The following CTXN2 variants were observed in gnomAD, a reference collection of about 807,000 sequenced individuals.
The protein encoded by CTXN2 is cortexin-2.
In CTXN2, 3 loss-of-function variants were observed where a neutral mutation model predicts 5.7. The observed-to-expected ratio is 0.53, with a 90% CI of 0.24 to 1.36. The LOEUF (loss-of-function observed/expected upper bound fraction) is 1.36, where lower values mean the gene tolerates loss of function less well. Ranked by LOEUF, CTXN2 falls within the 40% of genes most tolerant of loss-of-function variation. The probability of loss-of-function intolerance (pLI) is 0.17; values close to 1 mark genes in which losing one functional copy is unlikely to be tolerated. For synonymous variants in CTXN2, 38 were observed against 36.4 expected (o/e 1.04, Z -0.16); for missense variants, 87 against 93.0 (o/e 0.94, Z 0.26).
chr15:48,186,275 C>T (rs761372159), intron 1 of CTXN2, among the ~76,000 whole-genome samples: 4 of 152,158 alleles, frequency 2.6e-5, no homozygotes, highest in Non-Finnish European at 4.4e-5. Context: ...ACATTTAGTA[C>T]ATTTTTCTTT....
At chr15:48,198,807 AT>A (rs2040903019) in intron 1 of CTXN2, among the ~76,000 whole-genome samples, 1 of 152,180 alleles carries the variant, frequency 6.6e-6, no homozygotes, top group South Asian at 2.1e-4. Context: ...TACATTATGC[AT>A]TTTCAAAACA....
At chr15:48,186,458 T>C (rs1477810805) in intron 1 of CTXN2, among the ~76,000 whole-genome samples, 2 of 152,144 alleles carry the variant, frequency 1.3e-5, no homozygotes, top group African/African-American at 2.4e-5. Flanking sequence ...CATTTTCTAA[T>C]CAAATCTAAT....
At chr15:48,191,476 TTGC>T (rs1189386609), upstream of CTXN2, 3 of 280,978 alleles carry the variant, frequency 1.1e-5, no homozygotes, top group Non-Finnish European at 2.2e-5. Context: ...ATAGAGCCTG[TTGC>T]TGCTGGAGCT....
chr15:48,201,239 C>T lies in CTXN2; in HGVS notation c.-57-5C>T, dbSNP rs984287810. ...AAACTAAACTGAGTCCAATTTTGTA[C>T]CTAGGCAAAGAGTTGATTCCAGAAG... On this transcript the variant is annotated splice_polypyrimidine_tract_variant and splice_region_variant and intron_variant, in intron 1 of 1. Coordinates refer to ENST00000417307, the MANE Select transcript of CTXN2 (RefSeq NM_001145668.2). 2.6e-6 allele frequency: 4 copies of T among 1,529,694 alleles called. No individual in the cohort carries two copies. The African/African-American group carries it at 5.5e-5, about 21-fold the overall frequency. The allele number at this position is 1,529,694 out of a possible 1,614,324, so 94.8% of individuals were successfully genotyped here. A position where few individuals can be genotyped will look rare whatever the true frequency, so the allele number is the denominator to read the frequency against.
At chr15:48,188,187 A>C (rs1388184786), upstream of CTXN2, among the ~76,000 whole-genome samples, 1 of 150,768 alleles carries the variant, frequency 6.6e-6, no homozygotes, top group East Asian at 1.9e-4. Context: ...TAATATTATC[A>C]TTACCTAAGA....
upstream of CTXN2, chr15:48,190,103 C>A (rs1597382882): frequency 1.3e-5 from 2 of 152,310 alleles, no homozygotes. Flanking sequence ...GCCACCACTC[C>A]TGGCTGCATC....
chr15:48,201,426 A>C lies in CTXN2; in HGVS notation c.126A>C (p.Gly42=), dbSNP rs1394110776. ...TTGGGATTTTGTGTATCTTCTTGGGACTTCTTATTATCCGATGCTTCAAAA... is the reference window on the plus strand; with the variant it reads ...TTGGGATTTTGTGTATCTTCTTGGGCCTTCTTATTATCCGATGCTTCAAAA... The part of the protein sequence containing the change: ...AFVGILCIFL[G]LLIIRCFKIL... The change falls in exon 2 of 2, where the codon GGA becomes GGC. Residue 42 remains glycine, a synonymous_variant. Transcript: ENST00000417307. The C allele has an allele frequency of 6.4e-7, 1 of 1,551,250 alleles. No individual in the cohort carries two copies. The highest frequency in any genetic ancestry group is 1.4e-5 in the African/African-American group (1 of 73,010).
intron 1 of CTXN2, among the ~76,000 whole-genome samples, chr15:48,184,493 C>A (rs2040729444): frequency 1.3e-5 from 2 of 152,108 alleles, no homozygotes; most frequent in African/African-American, 4.8e-5. Flanking sequence ...TAATAAAGAA[C>A]TTATATCCAA....
In CTXN2 at chr15:48,201,677, C is replaced by A. The variant is rs541026551; in HGVS notation, c.*131C>A. ...TTCAATAAACATCTGTGACTAATTT[C>A]TTCACCATGCTGTGTAAATGATAAA... On this transcript the variant is annotated 3_prime_UTR_variant, in exon 2 of 2. Transcript: ENST00000417307. The A allele has an allele frequency of 6.9e-5, 58 of 839,310 alleles. No individual in the cohort carries two copies. The South Asian group carries it at 8.8e-4, about 13-fold the overall frequency. The allele number at this position is 839,310 out of a possible 1,614,324, so 52.0% of individuals were successfully genotyped here.
rs939197654 is a variant in CTXN2, at chr15:48,202,525, G to C, written c.*979G>C. 1.2e-5 allele frequency: 2 copies of C among 167,040 alleles called. No individual in the cohort carries two copies. The highest frequency in any genetic ancestry group is 4.8e-5 in the African/African-American group (2 of 41,454). The allele number at this position is 167,040 out of a possible 1,614,324, so 10.3% of individuals were successfully genotyped here. ...CTAATGTTAGCTTAGCCAAGAACTA[G>C]CTTTATGACCTAGAAAGTTACCTAA... On this transcript the variant is annotated 3_prime_UTR_variant, in exon 2 of 2. Coordinates refer to ENST00000417307, the MANE Select transcript of CTXN2 (RefSeq NM_001145668.2).
chr15:48,188,648 G>A (rs2040782903), upstream of CTXN2, among the ~76,000 whole-genome samples: 1 of 152,108 alleles, frequency 6.6e-6, no homozygotes, highest in African/African-American at 2.4e-5. Context: ...TCTGCTTGAG[G>A]AACTTCTAAA....
upstream of CTXN2, chr15:48,189,135 A>C (rs1324527369): frequency 6.6e-6 from 1 of 152,196 alleles, no homozygotes; most frequent in Non-Finnish European, 1.5e-5. Context: ...GGTCAGGGTC[A>C]TGCACCAACT....
intron 1 of CTXN2, among the ~76,000 whole-genome samples, chr15:48,181,597 GATA>G (rs1031453308): frequency 2.0e-5 from 3 of 151,840 alleles, no homozygotes; most frequent in African/African-American, 4.8e-5. Context: ...AAGTTTTAGG[GATA>G]ATAATAAAAT....
intron 1 of CTXN2, among the ~76,000 whole-genome samples, chr15:48,200,182 G>A (rs1367882363): frequency 1.1e-4 from 16 of 151,932 alleles, no homozygotes. Context: ...ATCAGAAAAA[G>A]CAACAATAAA....
In CTXN2 at chr15:48,191,836, T is replaced by C; in HGVS notation, c.-75T>C. On this transcript the variant is annotated 5_prime_UTR_variant, in exon 1 of 2. An upstream start codon of the reference 5' UTR is lost. Coordinates refer to ENST00000417307, the MANE Select transcript of CTXN2 (RefSeq NM_001145668.2). The stretch of plus-strand genomic sequence containing the variant: ...GTCTACTGGCTGGACTTCATCTCCA[T>C]GGCAACAAGCATGGAAGGTGAGACA... The C allele has an allele frequency of 2.2e-6, 1 of 455,994 alleles. No homozygotes were observed. Among genetic ancestry groups the C allele is most frequent in the South Asian group, 1.5e-5 (1 of 64,550 alleles). The allele number at this position is 455,994 out of a possible 1,614,324, so 28.2% of individuals were successfully genotyped here.
intron 1 of CTXN2, among the ~76,000 whole-genome samples, chr15:48,183,481 A>G (rs2040719047): frequency 6.6e-6 from 1 of 152,166 alleles, no homozygotes; most frequent in South Asian, 2.1e-4. Context: ...ATCATCTTAT[A>G]CCATTTTTGG....
In CTXN2 at chr15:48,201,316, T is replaced by C; in HGVS notation, c.16T>C (p.Cys6Arg). The C allele has an allele frequency of 6.4e-7, 1 of 1,551,318 alleles. No homozygotes were observed. Residue 6 changes from cysteine to arginine, a missense_variant, in exon 2 of 2, where the codon TGT becomes CGT. Transcript: ENST00000417307. MSSTY[C>R]GNSSAKMSVN... is the part of the protein sequence containing the mutation. Reference sequence around the variant, plus strand: ...CCAGTGAATAATGAGTAGTACCTACTGTGGCAACTCTTCAGCTAAGATGAG... The same window carrying C: ...CCAGTGAATAATGAGTAGTACCTACCGTGGCAACTCTTCAGCTAAGATGAG...
intron 1 of CTXN2, among the ~76,000 whole-genome samples, chr15:48,181,749 A>G (rs1405206122): frequency 1.3e-5 from 2 of 152,174 alleles, no homozygotes; most frequent in Non-Finnish European, 2.9e-5. Context: ...TGGGGTATTC[A>G]GAAACTCAAA....
chr15:48,182,146 C>T (rs948608282), intron 1 of CTXN2, among the ~76,000 whole-genome samples: 12 of 152,064 alleles, frequency 7.9e-5, no homozygotes, highest in Admixed American at 5.2e-4. Flanking sequence ...TGTATCACCC[C>T]CAATACACCC....
Sources: gnomAD v4.1 joint callset for allele counts (sites outside exome capture counted in the v4.1 genomes callset) on GRCh38, gnomAD v4.1.1 for gene constraint, MANE v1.5 for transcripts, NCBI Gene and HGNC (gene_info 2026-07-23, HGNC 2026-07-21) for gene names.